Variants in SEL1L3 observed in about 807,000 individuals in gnomAD.
SEL1L3 encodes protein sel-1 homolog 3.
A neutral mutation model predicts 142.8 loss-of-function variants in SEL1L3; 76 were observed. That is an observed-to-expected ratio of 0.53 (90% CI 0.44 to 0.64). The LOEUF (loss-of-function observed/expected upper bound fraction) is 0.64. Among genes scored for constraint, SEL1L3 ranks in the 30% least tolerant of loss-of-function variants. The pLI is 0.00. For synonymous variants in SEL1L3, 504 were observed against 519.6 expected, an observed-to-expected ratio of 0.97 and a Z score of 0.41; for missense variants, 1,262 against 1,381.7, an observed-to-expected ratio of 0.91 and a Z score of 1.37.
intron 2 of SEL1L3, among the ~76,000 whole-genome samples, chr4:25,841,395 C>T (rs1416373657): frequency 6.6e-6 from 1 of 152,192 alleles, no homozygotes; most frequent in African/African-American, 2.4e-5. Flanking sequence ...ATGTCACCTC[C>T]TCTGAAGAAG....
At chr4:25,825,793 G>C (rs1306741163) in intron 6 of SEL1L3, among the ~76,000 whole-genome samples, 2 of 146,326 alleles carry the variant, frequency 1.4e-5, no homozygotes, top group Non-Finnish European at 3.0e-5. Flanking sequence ...TCCTGCCTCA[G>C]CCTCCCGAGT....
chr4:25,735,994 T>A, the SEL1L3 span, among the ~76,000 whole-genome samples: 3 of 151,740 alleles, frequency 2.0e-5, no homozygotes, highest in African/African-American at 7.3e-5. Flanking sequence ...CACGCCTGGC[T>A]AATATTGTGT....
At chr4:25,797,327 T>C (rs1038523586) in intron 11 of SEL1L3, among the ~76,000 whole-genome samples, 1 of 152,128 alleles carries the variant, frequency 6.6e-6, no homozygotes, top group Non-Finnish European at 1.5e-5. Flanking sequence ...GAACAGGCAG[T>C]TGTGGAGCCT....
chr4:25,863,330 C>T (rs1717883294), upstream of SEL1L3: 2 of 576,436 alleles, frequency 3.5e-6, no homozygotes, highest in Non-Finnish European at 3.1e-6. Flanking sequence ...TCTCCCCTCG[C>T]GCTCCCAAAC....
chr4:25,807,946 T>C (rs1221302997), intron 9 of SEL1L3, among the ~76,000 whole-genome samples: 1 of 152,172 alleles, frequency 6.6e-6, no homozygotes, highest in African/African-American at 2.4e-5. Context: ...AACAGTATTT[T>C]CTCTGAAAAA....
At chr4:25,842,235 T>C (rs570648408) in intron 2 of SEL1L3, among the ~76,000 whole-genome samples, 12 of 150,608 alleles carry the variant, frequency 8.0e-5, no homozygotes, top group African/African-American at 2.7e-4. Context: ...TAATTTCTGG[T>C]TGTGGAAATT....
intron 19 of SEL1L3, among the ~76,000 whole-genome samples, chr4:25,765,898 C>T (rs1718693480): frequency 6.6e-6 from 1 of 152,136 alleles, no homozygotes; most frequent in Non-Finnish European, 1.5e-5. Flanking sequence ...CTCAGCCTCC[C>T]AAGGTGCTGG....
intron 1 of SEL1L3, among the ~76,000 whole-genome samples, chr4:25,850,167 T>G (rs970527233): frequency 2.0e-5 from 3 of 152,140 alleles, no homozygotes; most frequent in African/African-American, 7.2e-5. Flanking sequence ...TGGAGAACAT[T>G]GAGTCCCAGC....
At chr4:25,736,335 TGCCTCA>T in the SEL1L3 span, among the ~76,000 whole-genome samples, 2 of 151,398 alleles carry the variant, frequency 1.3e-5, no homozygotes. Flanking sequence ...GCAATTCTCC[TGCCTCA>T]GCCTCCTCAG....
chr4:25,742,637 A>G (rs1044805896), downstream of SEL1L3, among the ~76,000 whole-genome samples: 6 of 152,218 alleles, frequency 3.9e-5, no homozygotes, highest in Non-Finnish European at 8.8e-5. Context: ...ACATCTAATG[A>G]GTTCATAGTT....
chr4:25,796,383 C>T (rs141668342), intron 11 of SEL1L3, among the ~76,000 whole-genome samples: 264 of 151,394 alleles, frequency 1.7e-3, no homozygotes, highest in African/African-American at 6.1e-3. Context: ...TCACTTGAGC[C>T]GAGAAGTTTG....
the SEL1L3 span, among the ~76,000 whole-genome samples, chr4:25,733,866 C>A: frequency 6.6e-6 from 1 of 152,106 alleles, no homozygotes; most frequent in Admixed American, 6.6e-5. Context: ...GTAGGACTGG[C>A]CATAGCAGAC....
intron 11 of SEL1L3, among the ~76,000 whole-genome samples, chr4:25,800,111 G>A (rs1448500188): frequency 1.3e-5 from 2 of 152,208 alleles, no homozygotes; most frequent in Non-Finnish European, 2.9e-5. Context: ...GAAATGATGT[G>A]AACCACGAGT....
At position 25,756,957 on chromosome 4, in the gene SEL1L3, A is replaced by G. The variant is rs565626137; in HGVS notation, c.3259+577T>C. The stretch of plus-strand genomic sequence containing the variant: ...AGAAATTGTATTAGGTCAGTTTCTT[A>G]GGCTTTTTAAAGAAAGTCCTTATTT... On this transcript the variant is annotated intron_variant, in intron 23 of 23. Coordinates refer to ENST00000399878, the MANE Select transcript of SEL1L3 (RefSeq NM_015187.5). The G allele has an allele frequency of 1.0e-3, 1,268 of 1,255,038 alleles. 2 individuals are homozygous for G. The highest frequency in any genetic ancestry group is 1.2e-3 in the Non-Finnish European group (1,153 of 969,452). The allele number at this position is 1,255,038 out of a possible 1,614,324, so 77.7% of individuals were successfully genotyped here. A position where few individuals can be genotyped will look rare whatever the true frequency, so the allele number is the denominator to read the frequency against.
chr4:25,768,694 T>C (rs1375488288), intron 17 of SEL1L3, among the ~76,000 whole-genome samples: 1 of 152,084 alleles, frequency 6.6e-6, no homozygotes. Flanking sequence ...TGTCTGAAAA[T>C]CAGAGACTAG....
At chr4:25,744,184 C>T (rs1184521812), downstream of SEL1L3, among the ~76,000 whole-genome samples, 4 of 152,076 alleles carry the variant, frequency 2.6e-5, no homozygotes, top group African/African-American at 7.2e-5. Context: ...GCCAGCCTCC[C>T]ATGGTGTAAG....
chr4:25,848,351 G>A (rs1388912070), intron 1 of SEL1L3, among the ~76,000 whole-genome samples: 1 of 152,158 alleles, frequency 6.6e-6, no homozygotes, highest in Non-Finnish European at 1.5e-5. Context: ...TGCCAACCTG[G>A]CCCCTTTTTC....
downstream of SEL1L3, among the ~76,000 whole-genome samples, chr4:25,746,008 T>C (rs952192037): frequency 6.6e-6 from 1 of 152,184 alleles, no homozygotes; most frequent in Non-Finnish European, 1.5e-5. Flanking sequence ...TAGGACCTGA[T>C]ATAGTTTGGA....
chr4:25,730,890 G>A, the SEL1L3 span, among the ~76,000 whole-genome samples: 3 of 152,108 alleles, frequency 2.0e-5, no homozygotes, highest in Non-Finnish European at 2.9e-5. Flanking sequence ...TTAGCCAGGC[G>A]TGGTGGTGCA....
Sources: gnomAD v4.1 joint callset for allele counts (sites outside exome capture counted in the v4.1 genomes callset) on GRCh38, gnomAD v4.1.1 for gene constraint, MANE v1.5 for transcripts, NCBI Gene and HGNC (gene_info 2026-07-23, HGNC 2026-07-21) for gene names.